Variants in CDH23 observed in about 807,000 individuals in gnomAD.
The protein encoded by CDH23 is cadherin-23.
CDH23 carries 189 observed loss-of-function variants against 317.1 expected under a neutral mutation model. The observed-to-expected ratio is 0.60, with a 90% CI of 0.53 to 0.67. CDH23 has a LOEUF of 0.67. Ranked by LOEUF, CDH23 falls within the 30% of genes least tolerant of loss-of-function variation. The pLI, the probability that CDH23 is intolerant of heterozygous loss-of-function variation, is 0.00. For missense variants in CDH23, 4,401 were observed against 4,592.4 expected, an observed-to-expected ratio of 0.96 and a Z score of 1.20; for synonymous variants, 1,839 against 1,876.8, an observed-to-expected ratio of 0.98 and a Z score of 0.52.
intron 9 of CDH23, among the ~76,000 whole-genome samples, chr10:71,583,960 G>A (rs922868266): frequency 6.8e-6 from 1 of 147,700 alleles, no homozygotes; most frequent in Admixed American, 6.9e-5. Context: ...GCTCCCCAGA[G>A]CAGCAGCATC....
chr10:71,806,680 G>A (rs1199215690), intron 57 of CDH23, among the ~76,000 whole-genome samples: 1 of 151,596 alleles, frequency 6.6e-6, no homozygotes, highest in African/African-American at 2.4e-5. Context: ...GGGTTCAAGT[G>A]ATTCTTCTGC....
At chr10:71,786,047 A>G (rs1369731047) in intron 44 of CDH23, among the ~76,000 whole-genome samples, 1 of 152,232 alleles carries the variant, frequency 6.6e-6, no homozygotes. Context: ...ACACTCAGTG[A>G]ACATCAACTA....
At chr10:71,634,684 G>C (rs1408929959) in intron 11 of CDH23, among the ~76,000 whole-genome samples, 1 of 152,256 alleles carries the variant, frequency 6.6e-6, no homozygotes, top group Non-Finnish European at 1.5e-5. Flanking sequence ...CTGGAGGGTA[G>C]AGCATGGTGT....
chr10:71,676,764 G>A lies in CDH23; in HGVS notation c.1515-692G>A, dbSNP rs896425151. 3.9e-5 allele frequency among the ~76,000 whole-genome samples: 6 copies of A among 152,182 alleles called. No individual in the cohort carries two copies. The East Asian group carries it at 7.7e-4, about 20-fold the overall frequency. ...CTTTCCCCAGGGAACCCGTGTTCAC[G>A]TGGCCTTATCCTGGTCATCTTGGAT... On this transcript the variant is annotated intron_variant, in intron 15 of 69. Transcript: ENST00000224721.
chr10:71,725,245 C>A, intron 29 of CDH23, 127 bp from the exon 30 acceptor site: 1 of 1,500,558 alleles, frequency 6.7e-7, no homozygotes, highest in Non-Finnish European at 9.3e-7. Context: ...ATTCTGTGTC[C>A]CAGAAGACCC....
chr10:71,738,665 A>G lies in CDH23; in HGVS notation c.4359+18A>G. 2 of 1,610,948 alleles carry G rather than the reference A, an allele frequency of 1.2e-6. No homozygotes were observed. Among genetic ancestry groups the G allele is most frequent in the Non-Finnish European group, 1.7e-6 (2 of 1,178,648 alleles). Reference sequence around the variant, plus strand: ...ATGGGCAGGTGGGCCACCGAGTGAAACAGCCAGGATCCACCATGTCAGCGG... The same window carrying G: ...ATGGGCAGGTGGGCCACCGAGTGAAGCAGCCAGGATCCACCATGTCAGCGG... On this transcript the variant is annotated intron_variant, in intron 35 of 69. Coordinates refer to ENST00000224721, the MANE Select transcript of CDH23 (RefSeq NM_022124.6).
chr10:71,697,211 A>G (rs1482305694), intron 22 of CDH23, among the ~76,000 whole-genome samples: 1 of 152,178 alleles, frequency 6.6e-6, no homozygotes, highest in Non-Finnish European at 1.5e-5. Context: ...CCCGCCCTTC[A>G]CCAGGTCTCC....
Position 71,803,400 on chromosome 10 carries a change from A to C in CDH23, c.7852A>C (p.Thr2618Pro), listed in dbSNP as rs750662086. 6.3e-7 allele frequency: 1 copy of C among 1,594,780 alleles called. No individual in the cohort carries two copies. The highest frequency in any genetic ancestry group is 8.5e-7 in the Non-Finnish European group (1 of 1,171,520). The change falls in exon 55 of 70, where the codon ACC (threonine) becomes CCC (proline). Residue 2618 changes from threonine to proline, a missense_variant. Transcript: ENST00000224721. ...RPVFVRPPNGTILHIREEIPL... is the reference protein window; with the variant it reads ...RPVFVRPPNGPILHIREEIPL... ...TGTCTTTGTGCGCCCACCCAACGGC[A>C]CCATCCTCCACATCAGAGAGGTACT...
intron 1 of CDH23, among the ~76,000 whole-genome samples, chr10:71,423,490 C>T (rs538457780): frequency 6.6e-6 from 1 of 152,116 alleles, no homozygotes; most frequent in African/African-American, 2.4e-5. Flanking sequence ...TGGCTGGGCT[C>T]CTGTGAGGAG....
intron 53 of CDH23, among the ~76,000 whole-genome samples, chr10:71,802,555 C>T (rs1411249118): frequency 6.6e-6 from 1 of 152,080 alleles, no homozygotes; most frequent in African/African-American, 2.4e-5. Context: ...ATTTATAGGG[C>T]CCTGTGGGGA....
intron 21 of CDH23, 43 bp downstream of exon 21, chr10:71,694,302 C>A: frequency 1.4e-6 from 2 of 1,471,448 alleles, no homozygotes; most frequent in Non-Finnish European, 9.4e-7. Context: ...CCCTCGCCGG[C>A]CAGGCTGCTG....
At position 71,793,492 on chromosome 10, in the gene CDH23, G is replaced by A. The variant is rs528929425; in HGVS notation, c.6564G>A (p.Glu2188=). 6.2e-7 allele frequency: 1 copy of A among 1,613,974 alleles called. No individual in the cohort carries two copies. Among genetic ancestry groups the A allele is most frequent in the South Asian group, 1.1e-5 (1 of 91,070 alleles). ...CAGTGAGCGTGCTGGAGTCGGCTGA[G>A]CCAGGCACTGTCATTGCCAATATCA... The part of the protein sequence containing the change: ...IQTVSVLESA[E]PGTVIANITA... Residue 2188 remains glutamate (E), a synonymous_variant, in exon 48 of 70, where the codon GAG becomes GAA. Transcript: ENST00000224721.
At chr10:71,532,103 T>C (rs1157754347) in intron 6 of CDH23, among the ~76,000 whole-genome samples, 1 of 151,692 alleles carries the variant, frequency 6.6e-6, no homozygotes, top group Non-Finnish European at 1.5e-5. Flanking sequence ...GGGCTGAGAC[T>C]CCTCCAGGGG....
At position 71,734,445 on chromosome 10, in the gene CDH23, C is replaced by T. The variant is rs10999977; in HGVS notation, c.4206+104C>T. 21,911 of 1,473,122 alleles carry T rather than the reference C, an allele frequency of 0.015. 1,663 individuals are homozygous for T. In the East Asian group the frequency reaches 0.21, roughly 14 times the overall value. 91.3% of individuals were successfully genotyped at this position (1,473,122 alleles called of 1,614,324 possible). A position where few individuals can be genotyped will look rare whatever the true frequency, so the allele number is the denominator to read the frequency against. ...GCCACCCAATGTATGGGCCAGGCAG[C>T]GGGCGAGGGTCTTGATAGCCTGAGG... is the stretch of plus-strand genomic sequence containing the variant. On this transcript the variant is annotated intron_variant, in intron 33 of 69. Coordinates refer to ENST00000224721, the MANE Select transcript of CDH23 (RefSeq NM_022124.6).
intron 1 of CDH23, among the ~76,000 whole-genome samples, chr10:71,403,324 TTCC>T (rs1298847913): frequency 1.1e-5 from 1 of 88,610 alleles, no homozygotes; most frequent in East Asian, 2.3e-4. Context: ...TCTTCCTTCC[TTCC>T]TTTCTTTCTT....
intron 35 of CDH23, among the ~76,000 whole-genome samples, chr10:71,739,343 G>A (rs935325546): frequency 6.6e-6 from 1 of 152,144 alleles, no homozygotes; most frequent in Non-Finnish European, 1.5e-5. Context: ...AGCAGCGTGA[G>A]CACAATCCCC....
At chr10:71,575,672 C>T in intron 8 of CDH23, among the ~76,000 whole-genome samples, 1 of 152,252 alleles carries the variant, frequency 6.6e-6, no homozygotes. Flanking sequence ...GGACTGGCTC[C>T]CTGGAGAAGC....
At chr10:71,805,206 A>G (rs1016498152) in intron 55 of CDH23, among the ~76,000 whole-genome samples, 7 of 152,222 alleles carry the variant, frequency 4.6e-5, no homozygotes, top group Admixed American at 3.9e-4. Flanking sequence ...GACTTAGCTC[A>G]ACAGCGTTCA....
chr10:71,453,020 C>A (rs1288294321), intron 3 of CDH23, among the ~76,000 whole-genome samples: 1 of 152,136 alleles, frequency 6.6e-6, no homozygotes, highest in Non-Finnish European at 1.5e-5. Flanking sequence ...TGTCAGATGT[C>A]CTGCTGGGTC....
Sources: gnomAD v4.1 joint callset for allele counts (sites outside exome capture counted in the v4.1 genomes callset) on GRCh38, gnomAD v4.1.1 for gene constraint, MANE v1.5 for transcripts, NCBI Gene and HGNC (gene_info 2026-07-23, HGNC 2026-07-21) for gene names.